The following ADGRV1 variants were observed in gnomAD, a reference collection of about 807,000 sequenced individuals.
The protein encoded by ADGRV1 is G-protein coupled receptor 98.
ADGRV1 carries 359 observed loss-of-function variants against 596.2 expected under a neutral mutation model. That is an observed-to-expected ratio of 0.60 (90% CI 0.55 to 0.66). The LOEUF is 0.66. ADGRV1 is among the 30% of genes least tolerant of loss of function. The pLI, the probability that ADGRV1 is intolerant of heterozygous loss-of-function variation, is 0.00. For missense variants in ADGRV1, 7,274 were observed against 7,575.6 expected (o/e 0.96, Z 1.48); for synonymous variants, 2,681 against 2,679.2 (o/e 1.00, Z -0.02).
At chr5:91,036,795 A>G (rs186069558) in intron 85 of ADGRV1, among the ~76,000 whole-genome samples, 55 of 152,316 alleles carry the variant, frequency 3.6e-4, no homozygotes, top group African/African-American at 1.2e-3. Context: ...GGGATTCACA[A>G]TGCCCGTGAA....
At chr5:90,917,738 A>G (rs1011091995) in intron 83 of ADGRV1, among the ~76,000 whole-genome samples, 17 of 152,270 alleles carry the variant, frequency 1.1e-4, no homozygotes, top group Non-Finnish European at 1.2e-4. Context: ...GCGTGCTACC[A>G]AGCAGAAAGC....
At chr5:90,836,233 T>C (rs1392892427) in intron 77 of ADGRV1, among the ~76,000 whole-genome samples, 4 of 152,226 alleles carry the variant, frequency 2.6e-5, no homozygotes, top group Non-Finnish European at 5.9e-5. Flanking sequence ...GTCCTGGACA[T>C]TTATTCCTGA....
chr5:90,608,695 G>A (rs1193414968), intron 1 of ADGRV1, among the ~76,000 whole-genome samples: 4 of 152,004 alleles, frequency 2.6e-5, no homozygotes, highest in African/African-American at 9.7e-5. Context: ...ATCAAAACAA[G>A]GGAATAAACC....
chr5:91,094,394 T>A (rs779469055), intron 86 of ADGRV1, among the ~76,000 whole-genome samples: 3 of 150,182 alleles, frequency 2.0e-5, no homozygotes, highest in Non-Finnish European at 3.0e-5. Flanking sequence ...AGGAGGCAGA[T>A]GTTGCAGTGA....
chr5:90,649,702 T>C (rs1045974758), intron 17 of ADGRV1, among the ~76,000 whole-genome samples: 1 of 152,154 alleles, frequency 6.6e-6, no homozygotes, highest in Admixed American at 6.5e-5. Flanking sequence ...TTGGCCAGGC[T>C]GGTCTAGAAC....
chr5:90,686,885 T>C (rs1341042032), intron 29 of ADGRV1, among the ~76,000 whole-genome samples: 6 of 152,322 alleles, frequency 3.9e-5, no homozygotes, highest in African/African-American at 1.4e-4. Flanking sequence ...TGTTGTTTCC[T>C]GACTTTTTAA....
intron 20 of ADGRV1, chr5:90,655,084 G>A (rs1398455990): frequency 6.6e-6 from 1 of 152,168 alleles, no homozygotes; most frequent in Non-Finnish European, 1.5e-5. Context: ...TATGCATATT[G>A]TAAGTGTACA....
chr5:90,947,266 G>T (rs536322925), intron 83 of ADGRV1, among the ~76,000 whole-genome samples: 23 of 152,088 alleles, frequency 1.5e-4, no homozygotes, highest in African/African-American at 5.3e-4. Flanking sequence ...TCATATGTTT[G>T]TTGGCCACAT....
chr5:90,908,076 C>T (rs1044764150), intron 83 of ADGRV1, among the ~76,000 whole-genome samples: 5 of 152,088 alleles, frequency 3.3e-5, no homozygotes, highest in Non-Finnish European at 7.4e-5. Context: ...GTCTCGAACT[C>T]CCGACCTCAG....
chr5:90,639,086 ACACACACACACGCTCGCG>A (rs1766632568), intron 11 of ADGRV1, among the ~76,000 whole-genome samples: 1 of 151,790 alleles, frequency 6.6e-6, no homozygotes, highest in East Asian at 1.9e-4. Context: ...ACACACACAC[ACACACACACACGCTCGCG>A]CACACACACA....
At chr5:90,974,612 T>A (rs1289560053) in intron 84 of ADGRV1, among the ~76,000 whole-genome samples, 1 of 152,202 alleles carries the variant, frequency 6.6e-6, no homozygotes, top group Non-Finnish European at 1.5e-5. Flanking sequence ...GGATTCCCTA[T>A]TTAATAAATG....
intron 1 of ADGRV1, among the ~76,000 whole-genome samples, chr5:90,608,304 G>A (rs974178382): frequency 6.6e-6 from 1 of 152,042 alleles, no homozygotes; most frequent in African/African-American, 2.4e-5. Context: ...GTTATGAGTG[G>A]CACATTGAAG....
chr5:91,153,811 T>C (rs1432936682), intron 89 of ADGRV1, among the ~76,000 whole-genome samples: 1 of 152,224 alleles, frequency 6.6e-6, no homozygotes, highest in Non-Finnish European at 1.5e-5. Flanking sequence ...GGTATAGTTC[T>C]ATAATTTCCA....
chr5:90,607,246 C>T (rs769414738), intron 1 of ADGRV1, among the ~76,000 whole-genome samples: 1 of 152,114 alleles, frequency 6.6e-6, no homozygotes, highest in Non-Finnish European at 1.5e-5. Flanking sequence ...CAAATTTATA[C>T]AGAATAGCCA....
At chr5:90,682,340 C>T (rs1192231483) in intron 27 of ADGRV1, among the ~76,000 whole-genome samples, 1 of 152,172 alleles carries the variant, frequency 6.6e-6, no homozygotes, top group Non-Finnish European at 1.5e-5. Flanking sequence ...TACTTAACTT[C>T]CTTGATCAAA....
intron 86 of ADGRV1, among the ~76,000 whole-genome samples, chr5:91,091,310 C>T (rs1235181605): frequency 1.3e-5 from 2 of 152,294 alleles, no homozygotes; most frequent in East Asian, 3.9e-4. Context: ...GCTGTGACAT[C>T]CACATTTCTC....
intron 83 of ADGRV1, among the ~76,000 whole-genome samples, chr5:90,961,088 T>A (rs767737491): frequency 2.0e-5 from 3 of 152,154 alleles, no homozygotes; most frequent in Non-Finnish European, 2.9e-5. Context: ...TAGAAAGAAC[T>A]ACATTTGGCT....
intron 83 of ADGRV1, among the ~76,000 whole-genome samples, chr5:90,951,274 G>T (rs1777042694): frequency 6.6e-6 from 1 of 152,116 alleles, no homozygotes; most frequent in East Asian, 1.9e-4. Context: ...ACTGAATTGG[G>T]GACAAGTCAG....
intron 87 of ADGRV1, among the ~76,000 whole-genome samples, chr5:91,102,712 T>C (rs2126649264): frequency 1.3e-5 from 2 of 152,336 alleles, no homozygotes; most frequent in South Asian, 4.1e-4. Context: ...TTAGATCAAT[T>C]GAGGAGTGAA....
Sources: gnomAD v4.1 joint callset for allele counts (sites outside exome capture counted in the v4.1 genomes callset) on GRCh38, gnomAD v4.1.1 for gene constraint, MANE v1.5 for transcripts, NCBI Gene and HGNC (gene_info 2026-07-23, HGNC 2026-07-21) for gene names.